Variants in ASAP1 observed in about 807,000 individuals in gnomAD.
The protein encoded by ASAP1 is ArfGAP with SH3 domain, ankyrin repeat and PH domain 1.
In ASAP1, 43 loss-of-function variants were observed where a neutral mutation model predicts 145.2. That is an observed-to-expected ratio of 0.30 (90% CI 0.23 to 0.38). The LOEUF (loss-of-function observed/expected upper bound fraction) is 0.38, where lower values mean the gene tolerates loss of function less well. Ranked by LOEUF, ASAP1 falls within the 10% of genes least tolerant of loss-of-function variation. ASAP1 has a pLI of 1.00. For missense variants in ASAP1, 1,018 were observed against 1,355.3 expected (o/e 0.75, Z 3.91); for synonymous variants, 546 against 515.5 (o/e 1.06, Z -0.80).
At chr8:130,378,767 A>T (rs1294619359) in intron 2 of ASAP1, among the ~76,000 whole-genome samples, 1 of 152,208 alleles carries the variant, frequency 6.6e-6, no homozygotes, top group Non-Finnish European at 1.5e-5. Flanking sequence ...TGCCCTGCAG[A>T]TGTCTGTCAA....
intron 25 of ASAP1, among the ~76,000 whole-genome samples, chr8:130,081,709 A>G (rs961102470): frequency 2.0e-5 from 3 of 152,188 alleles, no homozygotes; most frequent in Non-Finnish European, 2.9e-5. Flanking sequence ...GCATCATAAG[A>G]TAAGGAAATG....
intron 3 of ASAP1, among the ~76,000 whole-genome samples, chr8:130,306,743 T>A (rs1823017505): frequency 6.6e-6 from 1 of 152,344 alleles, no homozygotes; most frequent in Middle Eastern, 3.4e-3. Flanking sequence ...ATGGACCACA[T>A]AAATTCTTCA....
At chr8:130,111,777 G>A (rs927193339) in intron 24 of ASAP1, among the ~76,000 whole-genome samples, 3 of 152,192 alleles carry the variant, frequency 2.0e-5, no homozygotes, top group Non-Finnish European at 2.9e-5. Flanking sequence ...CCAGTGGTGT[G>A]ACCTTGGGCT....
At chr8:130,294,793 T>C (rs745820359) in intron 3 of ASAP1, among the ~76,000 whole-genome samples, 12 of 152,178 alleles carry the variant, frequency 7.9e-5, no homozygotes, top group Non-Finnish European at 1.5e-4. Context: ...CACAGTCCAA[T>C]TACTGAGGCA....
At chr8:130,276,726 ACACTCTCTCTCT>A (rs1820917121) in intron 3 of ASAP1, among the ~76,000 whole-genome samples, 1 of 91,838 alleles carries the variant, frequency 1.1e-5, no homozygotes, top group African/African-American at 3.6e-5. Flanking sequence ...ACACACACAC[ACACTCTCTCTCT>A]CTCTCTCTCT....
intron 2 of ASAP1, among the ~76,000 whole-genome samples, chr8:130,389,284 C>A (rs1359419344): frequency 6.6e-6 from 1 of 152,164 alleles, no homozygotes; most frequent in African/African-American, 2.4e-5. Context: ...TGCCTTCCTG[C>A]CAGGTCAGAC....
At chr8:130,170,538 C>T (rs1249813058) in intron 9 of ASAP1, among the ~76,000 whole-genome samples, 1 of 152,110 alleles carries the variant, frequency 6.6e-6, no homozygotes, top group African/African-American at 2.4e-5. Flanking sequence ...TTAGAAGTGG[C>T]CTTCAGAATG....
At chr8:130,263,997 C>T (rs7826256) in intron 3 of ASAP1, among the ~76,000 whole-genome samples, 5,290 of 152,294 alleles carry the variant, frequency 0.035, 126 homozygotes, top group Middle Eastern at 0.065. Flanking sequence ...AACTTAGGTT[C>T]TAGCCCCTGT....
intron 13 of ASAP1, among the ~76,000 whole-genome samples, chr8:130,147,934 T>C (rs917458652): frequency 6.6e-6 from 1 of 152,262 alleles, no homozygotes; most frequent in Non-Finnish European, 1.5e-5. Context: ...ATAAATTTAA[T>C]AATCGTTGTA....
chr8:130,278,641 G>A (rs1353042473), intron 3 of ASAP1, among the ~76,000 whole-genome samples: 5 of 152,096 alleles, frequency 3.3e-5, no homozygotes, highest in Non-Finnish European at 7.4e-5. Flanking sequence ...TGGGACATAC[G>A]ATAAAACAGT....
At chr8:130,241,317 A>G (rs1186901602) in intron 3 of ASAP1, among the ~76,000 whole-genome samples, 1 of 152,140 alleles carries the variant, frequency 6.6e-6, no homozygotes, top group Non-Finnish European at 1.5e-5. Context: ...CAGTTTTTCC[A>G]TAGTGTTACC....
At chr8:130,115,436 G>A in intron 23 of ASAP1, 192 bp downstream of exon 23, 1 of 554,870 alleles carries the variant, frequency 1.8e-6, no homozygotes, top group South Asian at 2.5e-5. Context: ...CTATCCTGTT[G>A]GCTCTGTTTC....
chr8:130,413,328 G>C (rs562174978), intron 1 of ASAP1, among the ~76,000 whole-genome samples: 3 of 152,280 alleles, frequency 2.0e-5, no homozygotes, highest in South Asian at 2.1e-4. Flanking sequence ...CTTAGGAGTA[G>C]GTCCAATTAA....
At chr8:130,196,407 C>T (rs1815494566) in intron 5 of ASAP1, among the ~76,000 whole-genome samples, 1 of 152,132 alleles carries the variant, frequency 6.6e-6, no homozygotes, top group African/African-American at 2.4e-5. Context: ...GAATACTGCC[C>T]AACTCAGCTC....
At chr8:130,072,580 C>T (rs1193092729) in intron 27 of ASAP1, among the ~76,000 whole-genome samples, 2 of 56,384 alleles carry the variant, frequency 3.5e-5, no homozygotes, top group East Asian at 4.0e-4. Context: ...AGCGTGAAAA[C>T]GGACTAATAC....
chr8:130,367,549 T>C (rs1827014943), intron 2 of ASAP1, among the ~76,000 whole-genome samples: 1 of 152,110 alleles, frequency 6.6e-6, no homozygotes, highest in Admixed American at 6.5e-5. Context: ...GCCAGGGAGG[T>C]AGGCTCCTTT....
Position 130,320,034 on chromosome 8 carries a change from T to C in ASAP1, c.186+37983A>G, listed in dbSNP as rs185534999. ...GTTAATGCTATTAGTATTCACAAAA[T>C]TAGCACACAATCTTCTTTGTACTTT... On this transcript the variant is annotated intron_variant, in intron 3 of 29. Coordinates refer to ENST00000518721, the MANE Select transcript of ASAP1 (RefSeq NM_018482.4). Among the ~76,000 whole-genome samples, 4 of 152,372 alleles carry C rather than the reference T, an allele frequency of 2.6e-5. No individual in the cohort carries two copies. The East Asian group carries it at 7.7e-4, about 29-fold the overall frequency.
At chr8:130,397,111 T>G (rs1746840593) in intron 2 of ASAP1, among the ~76,000 whole-genome samples, 1 of 152,148 alleles carries the variant, frequency 6.6e-6, no homozygotes, top group African/African-American at 2.4e-5. Flanking sequence ...TTTTATTCAT[T>G]CATTCATTCA....
chr8:130,272,716 G>C (rs916999750), intron 3 of ASAP1, among the ~76,000 whole-genome samples: 1 of 152,156 alleles, frequency 6.6e-6, no homozygotes, highest in Non-Finnish European at 1.5e-5. Context: ...GATAGAACTG[G>C]ATGTCACTAT....
Sources: allele counts gnomAD v4.1 joint callset (sites outside exome capture counted in the v4.1 genomes callset), GRCh38; gene constraint gnomAD v4.1.1; transcripts MANE v1.5; gene names NCBI Gene and HGNC (gene_info 2026-07-23, HGNC 2026-07-21).